The following NYAP2 variants were observed in gnomAD, a reference collection of about 807,000 sequenced individuals.
The protein encoded by NYAP2 is neuronal tyrosine-phosphorylated phosphoinositide-3-kinase adaptor 2.
NYAP2 carries 23 observed loss-of-function variants against 50.4 expected under a neutral mutation model. The ratio of observed to expected loss-of-function variants is 0.46; its 90% CI spans 0.33 to 0.65. The LOEUF is 0.65. Among genes scored for constraint, NYAP2 ranks in the 30% least tolerant of loss-of-function variants. The pLI, the probability that NYAP2 is intolerant of heterozygous loss-of-function variation, is 0.02. For synonymous variants in NYAP2, 394 were observed against 365.2 expected (o/e 1.08, Z -0.90); for missense variants, 885 against 861.0 (o/e 1.03, Z -0.35).
chr2:225,669,823 C>G, the NYAP2 span, among the ~76,000 whole-genome samples: 6 of 152,088 alleles, frequency 3.9e-5, no homozygotes, highest in Non-Finnish European at 5.9e-5. Flanking sequence ...TCCGTTCTGT[C>G]CAGCAGTCAG....
At chr2:225,692,972 AAG>A in the NYAP2 span, among the ~76,000 whole-genome samples, 1 of 152,048 alleles carries the variant, frequency 6.6e-6, no homozygotes, top group Non-Finnish European at 1.5e-5. Flanking sequence ...ACGAGTTCCA[AAG>A]AGTGTATAGT....
the NYAP2 span, chr2:225,701,885 C>A: frequency 4.5e-4 from 68 of 151,742 alleles, no homozygotes; most frequent in African/African-American, 1.6e-3. Context: ...GTAGGTCTTG[C>A]CTATACATGG....
At chr2:225,465,856 T>C (rs1041648824) in intron 3 of NYAP2, among the ~76,000 whole-genome samples, 1 of 152,212 alleles carries the variant, frequency 6.6e-6, no homozygotes, top group African/African-American at 2.4e-5. Context: ...AAAGTGTACT[T>C]AATCTTTTCT....
chr2:225,529,147 C>T (rs1273119742), intron 4 of NYAP2, among the ~76,000 whole-genome samples: 1 of 152,058 alleles, frequency 6.6e-6, no homozygotes, highest in Non-Finnish European at 1.5e-5. Context: ...AGTTCATAAC[C>T]TGCCTTTATT....
chr2:225,615,400 G>T (rs1458999762), intron 5 of NYAP2, among the ~76,000 whole-genome samples: 1 of 152,096 alleles, frequency 6.6e-6, no homozygotes, highest in Non-Finnish European at 1.5e-5. Context: ...AAATAATTTG[G>T]TGGCAATATC....
chr2:225,683,358 C>G, the NYAP2 span, among the ~76,000 whole-genome samples: 1 of 152,062 alleles, frequency 6.6e-6, no homozygotes, highest in Non-Finnish European at 1.5e-5. Context: ...CACCTTCAGG[C>G]TTACAGTGTG....
chr2:225,573,612 T>A (rs896764509), intron 4 of NYAP2, among the ~76,000 whole-genome samples: 1 of 152,198 alleles, frequency 6.6e-6, no homozygotes, highest in Non-Finnish European at 1.5e-5. Flanking sequence ...GTTCCTCTGC[T>A]TTATGTGACA....
chr2:225,495,340 G>T (rs1690485262), intron 3 of NYAP2, among the ~76,000 whole-genome samples: 1 of 152,168 alleles, frequency 6.6e-6, no homozygotes, highest in African/African-American at 2.4e-5. Flanking sequence ...AATGAGAATA[G>T]ATTGAACTCG....
chr2:225,635,334 T>C (rs1436750149), intron 6 of NYAP2, among the ~76,000 whole-genome samples: 1 of 152,180 alleles, frequency 6.6e-6, no homozygotes, highest in Non-Finnish European at 1.5e-5. Flanking sequence ...GTGTCAATTG[T>C]TTGATGAAAT....
At chr2:225,399,394 A>G (rs1298248458), upstream of NYAP2, among the ~76,000 whole-genome samples, 2 of 152,092 alleles carry the variant, frequency 1.3e-5, no homozygotes. Flanking sequence ...ATATATATGT[A>G]TATATTCAGT....
At chr2:225,461,158 A>G (rs1445737520) in intron 3 of NYAP2, among the ~76,000 whole-genome samples, 1 of 152,176 alleles carries the variant, frequency 6.6e-6, no homozygotes, top group African/African-American at 2.4e-5. Flanking sequence ...AATAAATGCC[A>G]GATGCACCTT....
chr2:225,446,258 A>C (rs767456140), intron 3 of NYAP2, among the ~76,000 whole-genome samples: 9,004 of 105,600 alleles, frequency 0.085, 299 homozygotes, highest in Middle Eastern at 0.14. Flanking sequence ...ATATATATAT[A>C]TATATATATA....
intron 3 of NYAP2, among the ~76,000 whole-genome samples, chr2:225,434,329 C>T (rs972845303): frequency 1.7e-4 from 26 of 152,092 alleles, no homozygotes; most frequent in African/African-American, 5.6e-4. Context: ...AGCTTTTCCA[C>T]GTGTAAATGA....
At chr2:225,651,440 G>A (rs151101366) in exon 7 of NYAP2, 2 of 1,613,946 alleles carry the variant, frequency 1.2e-6, no homozygotes, top group East Asian at 4.5e-5. Context: ...AGAGCCTAAA[G>A]TAAGCTGCAA....
Position 225,619,398 on chromosome 2 carries a change from T to C in NYAP2, c.1619-7519T>C, listed in dbSNP as rs78874193. 4.9e-3 allele frequency among the ~76,000 whole-genome samples: 740 copies of C among 152,336 alleles called. 7 individuals carry two copies. The highest frequency in any genetic ancestry group is 0.017 in the African/African-American group (707 of 41,572). On this transcript the variant is annotated intron_variant, in intron 5 of 6. Transcript: ENST00000636099. ...GCGGTCATATGCAAAGGCTCATTCA[T>C]GCTATACTGTTTTGTTCCTAGAGCT...
intron 4 of NYAP2, among the ~76,000 whole-genome samples, chr2:225,558,139 T>G (rs908103978): frequency 5.9e-5 from 9 of 152,126 alleles, no homozygotes; most frequent in Non-Finnish European, 8.8e-5. Context: ...ATTCAAGGTG[T>G]TTTGCATTAT....
intron 3 of NYAP2, among the ~76,000 whole-genome samples, chr2:225,439,935 G>C (rs1232617476): frequency 6.6e-6 from 1 of 152,178 alleles, no homozygotes; most frequent in Non-Finnish European, 1.5e-5. Context: ...CAATCATGGG[G>C]AGGCACCTCT....
chr2:225,430,581 A>T (rs1695351670), intron 3 of NYAP2, among the ~76,000 whole-genome samples: 1 of 152,088 alleles, frequency 6.6e-6, no homozygotes, highest in Non-Finnish European at 1.5e-5. Context: ...ATTAACTCAC[A>T]CCCCACCACA....
intron 3 of NYAP2, among the ~76,000 whole-genome samples, chr2:225,414,885 G>A (rs962028148): frequency 2.0e-5 from 3 of 152,096 alleles, no homozygotes; most frequent in Admixed American, 6.6e-5. Flanking sequence ...AACGATATAC[G>A]AAACATCCTT....
Sources: allele counts gnomAD v4.1 joint callset (sites outside exome capture counted in the v4.1 genomes callset), GRCh38; gene constraint gnomAD v4.1.1; transcripts MANE v1.5; gene names NCBI Gene and HGNC (gene_info 2026-07-23, HGNC 2026-07-21).